Variants in FSD1L observed in about 807,000 individuals in gnomAD.
FSD1L encodes FSD1-like protein.
FSD1L carries 45 observed loss-of-function variants against 71.6 expected under a neutral mutation model. The ratio of observed to expected loss-of-function variants is 0.63; its 90% CI spans 0.49 to 0.81. The LOEUF (loss-of-function observed/expected upper bound fraction) is 0.81. FSD1L is among the 30% of genes least tolerant of loss of function. FSD1L has a pLI of 0.00. For missense variants in FSD1L, 561 were observed against 618.1 expected, an observed-to-expected ratio of 0.91 and a Z score of 0.98; for synonymous variants, 197 against 207.2, an observed-to-expected ratio of 0.95 and a Z score of 0.42.
At position 105,552,304 on chromosome 9, in the gene FSD1L, T is replaced by C. The variant is rs1279959688; in HGVS notation, c.*5821T>C. 1.3e-5 allele frequency: 2 copies of C among 152,158 alleles called. No homozygotes were observed. Among genetic ancestry groups the C allele is most frequent in the Non-Finnish European group, 2.9e-5 (2 of 68,010 alleles). 9.4% of individuals were successfully genotyped at this position (152,158 alleles called of 1,614,324 possible). On this transcript the variant is annotated 3_prime_UTR_variant, in exon 14 of 14. Coordinates refer to ENST00000481272, the MANE Select transcript of FSD1L (RefSeq NM_001145313.3). Reference sequence around the variant, plus strand: ...AAAGCCTTTTTAAAATGTTTTTTTTTCACTTTAAAATAGGGTATTCAAAGT... The same window carrying C: ...AAAGCCTTTTTAAAATGTTTTTTTTCCACTTTAAAATAGGGTATTCAAAGT...
intron 12 of FSD1L, among the ~76,000 whole-genome samples, chr9:105,536,492 A>G (rs1227827878): frequency 6.6e-6 from 1 of 152,188 alleles, no homozygotes. Context: ...TAATTTGGCT[A>G]TGCTATTTCT....
Position 105,549,113 on chromosome 9 carries a change from CTTAT to C in FSD1L, c.*2634_*2637del, listed in dbSNP as rs1378323423. On this transcript the variant is annotated 3_prime_UTR_variant, in exon 14 of 14. Coordinates refer to ENST00000481272, the MANE Select transcript of FSD1L (RefSeq NM_001145313.3). ...AAATCCTTTGAAACATCTTTTGTTG[CTTAT>C]TTAGTTTTTGTTTCTACAGGTCAAA... 2 of 151,916 alleles carry C rather than the reference CTTAT, an allele frequency of 1.3e-5. No individual in the cohort carries two copies. The highest frequency in any genetic ancestry group is 4.8e-5 in the African/African-American group (2 of 41,400). 9.4% of individuals were successfully genotyped at this position (151,916 alleles called of 1,614,324 possible). A position where few individuals can be genotyped will look rare whatever the true frequency, so the allele number is the denominator to read the frequency against.
At chr9:105,497,375 C>T (rs1833480219) in intron 7 of FSD1L, among the ~76,000 whole-genome samples, 2 of 152,228 alleles carry the variant, frequency 1.3e-5, no homozygotes, top group South Asian at 4.2e-4. Flanking sequence ...ATGCTGGCCT[C>T]ATAGAAAGAG....
At chr9:105,538,010 A>G (rs1031152014) in intron 12 of FSD1L, among the ~76,000 whole-genome samples, 2 of 152,232 alleles carry the variant, frequency 1.3e-5, no homozygotes, top group African/African-American at 4.8e-5. Context: ...CAGTGTGATC[A>G]AGAGGATGAC....
At chr9:105,502,524 C>G (rs1414984492) in intron 7 of FSD1L, among the ~76,000 whole-genome samples, 1 of 152,110 alleles carries the variant, frequency 6.6e-6, no homozygotes, top group Non-Finnish European at 1.5e-5. Flanking sequence ...CATTTTTCCC[C>G]CATAATGTTT....
chr9:105,498,379 C>T (rs1833555217), intron 7 of FSD1L, among the ~76,000 whole-genome samples: 2 of 151,826 alleles, frequency 1.3e-5, no homozygotes, highest in Non-Finnish European at 2.9e-5. Context: ...TTACACAAAC[C>T]AAGATGGTAT....
In FSD1L at chr9:105,449,256, A is replaced by C. The variant is rs1489313345; in HGVS notation, c.15+1021A>C. ...GGCATGAGAGAATAATGATGTGTTG[A>C]GCATTGACTATTACAGTATTTAACA... is the stretch of plus-strand genomic sequence containing the variant. On this transcript the variant is annotated intron_variant, in intron 1 of 13. Transcript: ENST00000481272. Among the ~76,000 whole-genome samples, 6 of 152,340 alleles carry C rather than the reference A, an allele frequency of 3.9e-5. No individual in the cohort carries two copies. In the East Asian group the frequency reaches 1.2e-3, roughly 29 times the overall value.
intron 2 of FSD1L, among the ~76,000 whole-genome samples, chr9:105,463,147 A>T (rs1202432485): frequency 2.2e-4 from 1 of 4,526 alleles, no homozygotes; most frequent in African/African-American, 2.6e-4. Flanking sequence ...TCTCGAGAAA[A>T]AAAACTTAAA....
chr9:105,468,012 G>C (rs79895060), intron 3 of FSD1L, among the ~76,000 whole-genome samples, 181 bp from the exon 4 acceptor site: 1 of 152,224 alleles, frequency 6.6e-6, no homozygotes, highest in South Asian at 2.1e-4. Flanking sequence ...TAGCATTAGC[G>C]GGCAGTTTGT....
rs1441870126 is a variant in FSD1L, at chr9:105,547,981, C to T, written c.*1498C>T. 2 of 152,030 alleles carry T rather than the reference C, an allele frequency of 1.3e-5. No homozygotes were observed. The highest frequency in any genetic ancestry group is 4.8e-5 in the African/African-American group (2 of 41,424). 9.4% of individuals were successfully genotyped at this position (152,030 alleles called of 1,614,324 possible). ...ACTTGTATAATAGTATTAATAGTAG[C>T]TCATTCTCTCTAAAAATTTACTGCC... On this transcript the variant is annotated 3_prime_UTR_variant, in exon 14 of 14. Coordinates refer to ENST00000481272, the MANE Select transcript of FSD1L (RefSeq NM_001145313.3).
At chr9:105,459,038 T>A (rs1385808385) in intron 1 of FSD1L, among the ~76,000 whole-genome samples, 1 of 152,200 alleles carries the variant, frequency 6.6e-6, no homozygotes, top group Non-Finnish European at 1.5e-5. Context: ...GCCTACCATA[T>A]CTAGAAAACA....
intron 12 of FSD1L, among the ~76,000 whole-genome samples, chr9:105,536,793 C>T (rs1275221227): frequency 2.6e-5 from 4 of 151,928 alleles, no homozygotes; most frequent in South Asian, 2.1e-4. Flanking sequence ...CATGCCACCA[C>T]GCCTGGCTAA....
intron 3 of FSD1L, among the ~76,000 whole-genome samples, chr9:105,466,688 G>T (rs968112809): frequency 3.3e-5 from 3 of 90,626 alleles, no homozygotes; most frequent in African/African-American, 1.5e-4. Context: ...GTGAGACTCT[G>T]TCTCAAAAAA....
At chr9:105,447,029 T>G (rs1829672459), upstream of FSD1L, among the ~76,000 whole-genome samples, 1 of 151,996 alleles carries the variant, frequency 6.6e-6, no homozygotes, top group South Asian at 2.1e-4. Flanking sequence ...TAAGAATGAC[T>G]ATAATGGGCC....
In FSD1L at chr9:105,526,030, G is replaced by T. The variant is rs892620577; in HGVS notation, c.1026-8463G>T. 19 of 1,510,824 alleles carry T rather than the reference G, an allele frequency of 1.3e-5. No homozygotes were observed. In the East Asian group the frequency reaches 2.5e-4, roughly 20 times the overall value. The allele number at this position is 1,510,824 out of a possible 1,614,324, so 93.6% of individuals were successfully genotyped here. A position where few individuals can be genotyped will look rare whatever the true frequency, so the allele number is the denominator to read the frequency against. On this transcript the variant is annotated intron_variant, in intron 10 of 13. Coordinates refer to ENST00000481272, the MANE Select transcript of FSD1L (RefSeq NM_001145313.3). The stretch of plus-strand genomic sequence containing the variant: ...AGGAATTATTCCCACAGAATTTGGT[G>T]ATGTCCTTATTGTAATATATCCAAT...
At chr9:105,444,563 C>T (rs1829602043), upstream of FSD1L, among the ~76,000 whole-genome samples, 2 of 152,176 alleles carry the variant, frequency 1.3e-5, no homozygotes. Flanking sequence ...TGGCACCACT[C>T]AGAGAGGATA....
chr9:105,494,405 A>G (rs1012796573), intron 7 of FSD1L, among the ~76,000 whole-genome samples: 1 of 152,008 alleles, frequency 6.6e-6, no homozygotes, highest in Non-Finnish European at 1.5e-5. Context: ...CATTCGTCTA[A>G]ATTTTTTTCA....
At chr9:105,464,404 A>G (rs1229136066) in intron 3 of FSD1L, 73 bp downstream of exon 3, 1 of 631,388 alleles carries the variant, frequency 1.6e-6, no homozygotes, top group African/African-American at 1.9e-5. Flanking sequence ...AATATACTCT[A>G]TGAATTTTGG....
At position 105,524,788 on chromosome 9, in the gene FSD1L, A is replaced by G. The variant is rs543814305; in HGVS notation, c.1026-9705A>G. ...ATAGCAGCCCGCACTGTTATTACACATCTGGTAAATCACCTGGGCCATTAT... is the reference window on the plus strand; with the variant it reads ...ATAGCAGCCCGCACTGTTATTACACGTCTGGTAAATCACCTGGGCCATTAT... On this transcript the variant is annotated intron_variant, in intron 10 of 13. Coordinates refer to ENST00000481272, the MANE Select transcript of FSD1L (RefSeq NM_001145313.3). The G allele has an allele frequency of 1.2e-4, 188 of 1,593,168 alleles. No individual in the cohort carries two copies. The East Asian group carries it at 3.7e-3, about 31-fold the overall frequency.
Sources: gnomAD v4.1 joint callset for allele counts (sites outside exome capture counted in the v4.1 genomes callset) on GRCh38, gnomAD v4.1.1 for gene constraint, MANE v1.5 for transcripts, NCBI Gene and HGNC (gene_info 2026-07-23, HGNC 2026-07-21) for gene names.